SNX29: variants seen among roughly 807,000 people sequenced by gnomAD.
SNX29 encodes the protein sorting nexin 29.
In SNX29, 78 loss-of-function variants were observed where a neutral mutation model predicts 102.1. The observed-to-expected ratio is 0.76, with a 90% confidence interval of 0.64 to 0.92. The LOEUF is 0.92. SNX29 is among the 40% of genes least tolerant of loss of function. SNX29 has a pLI of 0.00. For synonymous variants in SNX29, 580 were observed against 414.5 expected (o/e 1.40, Z -4.85); for missense variants, 1,280 against 1,061.7 (o/e 1.21, Z -2.86).
chr16:12,434,484 C>G (rs1462743346), intron 18 of SNX29, among the ~76,000 whole-genome samples: 1 of 152,118 alleles, frequency 6.6e-6, no homozygotes, highest in Admixed American at 6.6e-5. Flanking sequence ...TTTGTGTGTC[C>G]TGTCTCAGAG....
chr16:12,558,221 C>G (rs370504328), intron 20 of SNX29, among the ~76,000 whole-genome samples: 261 of 43,234 alleles, frequency 6.0e-3, no homozygotes, highest in African/African-American at 0.025. Context: ...CATCACAGAG[C>G]CTCTCTTCAG....
At chr16:12,369,050 C>G (rs1279141547) in intron 16 of SNX29, among the ~76,000 whole-genome samples, 1 of 152,136 alleles carries the variant, frequency 6.6e-6, no homozygotes, top group Non-Finnish European at 1.5e-5. Flanking sequence ...AAACTGCCCC[C>G]AGACTCCACT....
intron 4 of SNX29, among the ~76,000 whole-genome samples, chr16:12,034,858 A>G (rs920403023): frequency 6.6e-6 from 1 of 152,096 alleles, no homozygotes; most frequent in African/African-American, 2.4e-5. Context: ...TAAAAATACA[A>G]AAATTAGCTG....
intron 15 of SNX29, among the ~76,000 whole-genome samples, chr16:12,305,372 C>T (rs1244514801): frequency 6.6e-6 from 1 of 152,206 alleles, no homozygotes; most frequent in South Asian, 2.1e-4. Context: ...AATCCCTGCC[C>T]AAGGTGACAG....
intron 20 of SNX29, among the ~76,000 whole-genome samples, chr16:12,568,121 G>A (rs1006213519): frequency 4.6e-5 from 7 of 152,284 alleles, no homozygotes; most frequent in East Asian, 1.9e-4. Flanking sequence ...GTGGCTTTAT[G>A]TAGTGTTCTC....
intron 3 of SNX29, among the ~76,000 whole-genome samples, chr16:12,019,699 G>T (rs2151089117): frequency 6.7e-6 from 1 of 150,222 alleles, no homozygotes; most frequent in East Asian, 2.0e-4. Context: ...GCAGTGGCGT[G>T]ATCTTGGCTC....
At chr16:12,477,993 G>A in intron 19 of SNX29, 134 bp downstream of exon 19, 1 of 1,053,398 alleles carries the variant, frequency 9.5e-7, no homozygotes, top group Non-Finnish European at 1.3e-6. Context: ...AAAAAATAGA[G>A]AAAAGAAATA....
chr16:12,280,260 G>T (rs568379085), intron 15 of SNX29, among the ~76,000 whole-genome samples: 3 of 152,330 alleles, frequency 2.0e-5, no homozygotes, highest in African/African-American at 7.2e-5. Context: ...GTAGATGAGG[G>T]GAGAAAGGTG....
rs78484396 is a variant in SNX29 at position 12,364,221 on chromosome 16, T to G, written c.1899+7942T>G. Among the ~76,000 whole-genome samples, 18 of 94,274 alleles carry G rather than the reference T, an allele frequency of 1.9e-4. 1 individual carries two copies. Among genetic ancestry groups the G allele is most frequent in the African/African-American group, 7.8e-4 (17 of 21,894 alleles). 61.8% of individuals were successfully genotyped at this position (94,274 alleles called of 152,430 possible). On this transcript the variant is annotated intron_variant, in intron 16 of 20. Coordinates refer to ENST00000566228, the MANE Select transcript of SNX29 (RefSeq NM_032167.5). ...ATGTTATGTTATGTTATGTTATTTT[T>G]GTAGAGGCAGGCTCTCACTATATTG...
chr16:12,033,197 T>C (rs1471482894), intron 4 of SNX29, among the ~76,000 whole-genome samples: 1 of 152,054 alleles, frequency 6.6e-6, no homozygotes, highest in Non-Finnish European at 1.5e-5. Flanking sequence ...ATAGCTTTAA[T>C]TGTATACATG....
chr16:12,356,403 T>C, intron 16 of SNX29, 124 bp downstream of exon 16: 1 of 746,198 alleles, frequency 1.3e-6, no homozygotes, highest in Non-Finnish European at 2.2e-6. Flanking sequence ...CACATTCACC[T>C]CTGCCACATT....
intron 3 of SNX29, among the ~76,000 whole-genome samples, chr16:12,004,757 C>A (rs570963940): frequency 2.0e-5 from 3 of 152,174 alleles, no homozygotes; most frequent in African/African-American, 7.2e-5. Context: ...AATAGAGCCA[C>A]GTGGATGATT....
intron 19 of SNX29, among the ~76,000 whole-genome samples, chr16:12,486,996 G>T (rs1176684229): frequency 1.3e-5 from 2 of 152,146 alleles, no homozygotes; most frequent in Non-Finnish European, 2.9e-5. Context: ...CAAAGAAAAA[G>T]AAAAAGATCC....
intron 13 of SNX29, among the ~76,000 whole-genome samples, chr16:12,178,223 C>T (rs142667706): frequency 2.2e-4 from 34 of 152,168 alleles, no homozygotes; most frequent in East Asian, 3.9e-4. Context: ...TTACAGGGAC[C>T]GGGGCATGGG....
rs535507986 is a variant in SNX29 at position 12,096,941 on chromosome 16, G to T, written c.1402+18026G>T. ...GTCCAGAGGGTCACAGGAGGGAAAG[G>T]TTAAGGGCTCGGTGCAGGGGAGGTC... On this transcript the variant is annotated intron_variant, in intron 11 of 20. Coordinates refer to ENST00000566228, the MANE Select transcript of SNX29 (RefSeq NM_032167.5). The surrounding 1 kb of genome is among the most constrained non-coding windows in gnomAD (Gnocchi z 4.2). Among the ~76,000 whole-genome samples the T allele has an allele frequency of 2.0e-5, 3 of 152,164 alleles. No individual in the cohort carries two copies. Among genetic ancestry groups the T allele is most frequent in the African/African-American group, 7.2e-5 (3 of 41,434 alleles).
rs569429287 is a variant in SNX29, at chr16:12,534,861, C to G, written c.2318+10020C>G. On this transcript the variant is annotated intron_variant, in intron 20 of 20. Transcript: ENST00000566228. ...ATGCAGACATTTTTGATTGTCCCAA[C>G]CATGGGGGACAGTGCCACGAGAATC... Among the ~76,000 whole-genome samples, 35 of 152,276 alleles carry G rather than the reference C, an allele frequency of 2.3e-4. No homozygotes were observed. The Middle Eastern group carries it at 0.01, about 44-fold the overall frequency.
At chr16:12,367,763 A>T (rs1409266077) in intron 16 of SNX29, among the ~76,000 whole-genome samples, 1 of 152,218 alleles carries the variant, frequency 6.6e-6, no homozygotes, top group Admixed American at 6.5e-5. Flanking sequence ...TCCAAATTAT[A>T]AGAGGCTTTT....
At chr16:12,394,257 T>C (rs1022818244) in intron 16 of SNX29, among the ~76,000 whole-genome samples, 1 of 152,176 alleles carries the variant, frequency 6.6e-6, no homozygotes, top group Admixed American at 6.5e-5. Flanking sequence ...CTAAGGCTCT[T>C]GAGTATGAAT....
chr16:12,086,029 T>TG (rs975095548), intron 11 of SNX29, among the ~76,000 whole-genome samples: 2 of 137,028 alleles, frequency 1.5e-5, no homozygotes, highest in African/African-American at 5.6e-5. Flanking sequence ...TTTTTTTTTT[T>TG]GAGATGGAGT....
Sources: gnomAD v4.1 joint callset for allele counts (sites outside exome capture counted in the v4.1 genomes callset) on GRCh38, gnomAD v4.1.1 for gene constraint, Gnocchi (gnomAD v3.1) non-coding constraint, MANE v1.5 for transcripts, NCBI Gene and HGNC (gene_info 2026-07-23, HGNC 2026-07-21) for gene names.